RABGAP1L: variants seen among roughly 807,000 people sequenced by gnomAD.
RABGAP1L encodes the protein rab GTPase-activating protein 1-like.
Under a neutral mutation model 137.7 loss-of-function variants are expected in RABGAP1L, and 63 were observed. That is an observed-to-expected ratio of 0.46 (90% CI 0.37 to 0.56). The LOEUF is 0.56. Among genes scored for constraint, RABGAP1L ranks in the 20% least tolerant of loss-of-function variants. RABGAP1L has a pLI of 0.00. For missense variants in RABGAP1L, 1,095 were observed against 1,244.0 expected (o/e 0.88, Z 1.80); for synonymous variants, 431 against 433.7 (o/e 0.99, Z 0.08).
At chr1:174,374,703 G>C (rs1224206048) in intron 12 of RABGAP1L, among the ~76,000 whole-genome samples, 1 of 152,174 alleles carries the variant, frequency 6.6e-6, no homozygotes, top group Admixed American at 6.5e-5. Flanking sequence ...TCCAGTTGTA[G>C]TGCTAACTTG....
At chr1:174,772,134 GT>G (rs1686158642) in intron 18 of RABGAP1L, among the ~76,000 whole-genome samples, 3 of 151,738 alleles carry the variant, frequency 2.0e-5, no homozygotes, top group African/African-American at 4.8e-5. Context: ...GGAGGCAGAG[GT>G]TGCAGTGAGC....
intron 14 of RABGAP1L, among the ~76,000 whole-genome samples, chr1:174,674,071 TTC>T (rs1206603044): frequency 1.3e-5 from 2 of 151,830 alleles, no homozygotes; most frequent in South Asian, 4.2e-4. Flanking sequence ...GTTTTTTTTT[TTC>T]TTTTTTTTTT....
chr1:174,638,975 A>G (rs1246181482), intron 14 of RABGAP1L, among the ~76,000 whole-genome samples: 2 of 148,054 alleles, frequency 1.4e-5, no homozygotes, highest in African/African-American at 2.5e-5. Flanking sequence ...AGCATGGCAC[A>G]TGTATACATA....
Position 174,532,215 on chromosome 1 carries a change from G to GT in RABGAP1L, c.1711-105149dup, listed in dbSNP as rs1028239294. Among the ~76,000 whole-genome samples, 688 of 143,036 alleles carry GT rather than the reference G, an allele frequency of 4.8e-3. 3 individuals are homozygous for GT. The highest frequency in any genetic ancestry group is 0.012 in the African/African-American group (459 of 39,342). The allele number at this position is 143,036 out of a possible 152,430, so 93.8% of individuals were successfully genotyped here. On this transcript the variant is annotated intron_variant, in intron 13 of 25. Transcript: ENST00000681986. The stretch of plus-strand genomic sequence containing the variant: ...GGAGTTTTTTGTTTTTTGTTTTTTT[G>GT]TTTTTTTTTTTGGGACACAGTCTTG...
intron 13 of RABGAP1L, among the ~76,000 whole-genome samples, chr1:174,513,415 T>G (rs1662527404): frequency 6.6e-6 from 1 of 151,832 alleles, no homozygotes; most frequent in South Asian, 2.1e-4. Context: ...TGAGACCAGC[T>G]GGGGCAACAT....
intron 18 of RABGAP1L, among the ~76,000 whole-genome samples, chr1:174,791,018 C>T (rs1687815481): frequency 6.6e-6 from 1 of 151,978 alleles, no homozygotes; most frequent in Non-Finnish European, 1.5e-5. Flanking sequence ...TGGTGAAACC[C>T]CGTCTCTACT....
intron 10 of RABGAP1L, among the ~76,000 whole-genome samples, chr1:174,289,649 A>G (rs1676395558): frequency 6.6e-6 from 1 of 152,188 alleles, no homozygotes; most frequent in Non-Finnish European, 1.5e-5. Flanking sequence ...GATCTTTACT[A>G]GTCTGCCAAG....
chr1:174,617,126 A>C (rs116678206), intron 13 of RABGAP1L, among the ~76,000 whole-genome samples: 1 of 152,194 alleles, frequency 6.6e-6, no homozygotes, highest in Non-Finnish European at 1.5e-5. Flanking sequence ...CAGTTCTTAG[A>C]ATGGTAATCC....
intron 17 of RABGAP1L, among the ~76,000 whole-genome samples, chr1:174,734,898 G>A (rs1010415549): frequency 5.6e-5 from 8 of 143,720 alleles, no homozygotes; most frequent in Non-Finnish European, 1.2e-4. Flanking sequence ...TGCTTATTTA[G>A]TCTTTTTTTT....
intron 17 of RABGAP1L, among the ~76,000 whole-genome samples, chr1:174,710,930 AT>A (rs1187919092): frequency 1.3e-5 from 2 of 152,228 alleles, no homozygotes; most frequent in Non-Finnish European, 2.9e-5. Flanking sequence ...GGCGGTGCTC[AT>A]CGGGGAGGCT....
intron 19 of RABGAP1L, among the ~76,000 whole-genome samples, chr1:174,939,559 A>G (rs918549368): frequency 6.6e-6 from 1 of 152,034 alleles, no homozygotes; most frequent in Non-Finnish European, 1.5e-5. Flanking sequence ...AAAAAAAAAA[A>G]AAAGAAAAAA....
chr1:174,857,890 G>C (rs1426759736), intron 19 of RABGAP1L, among the ~76,000 whole-genome samples: 1 of 152,084 alleles, frequency 6.6e-6, no homozygotes, highest in South Asian at 2.1e-4. Flanking sequence ...TTTCAGTAGG[G>C]TCAGAAACAA....
intron 13 of RABGAP1L, among the ~76,000 whole-genome samples, chr1:174,421,717 G>A (rs1299944396): frequency 6.6e-6 from 1 of 152,110 alleles, no homozygotes; most frequent in Non-Finnish European, 1.5e-5. Context: ...CTGCCCTCTG[G>A]TCTTCATACT....
chr1:174,404,835 T>A (rs530834881), intron 13 of RABGAP1L, among the ~76,000 whole-genome samples: 1 of 152,220 alleles, frequency 6.6e-6, no homozygotes, highest in Non-Finnish European at 1.5e-5. Flanking sequence ...AATATTAATT[T>A]GGTAGTTGCT....
intron 17 of RABGAP1L, among the ~76,000 whole-genome samples, chr1:174,720,521 G>T (rs571741717): frequency 6.6e-6 from 1 of 151,942 alleles, no homozygotes; most frequent in Non-Finnish European, 1.5e-5. Flanking sequence ...TTGCCATGTT[G>T]CCCAGGCTGG....
chr1:174,748,054 A>G (rs1384194923), intron 17 of RABGAP1L, among the ~76,000 whole-genome samples: 5 of 152,210 alleles, frequency 3.3e-5, no homozygotes. Flanking sequence ...TATGTATAGA[A>G]TAAAAAGTTT....
At chr1:174,490,281 C>G (rs1406372205) in intron 13 of RABGAP1L, among the ~76,000 whole-genome samples, 2 of 152,186 alleles carry the variant, frequency 1.3e-5, no homozygotes, top group Non-Finnish European at 2.9e-5. Context: ...CTAAGCACTG[C>G]CTGCATGAAG....
chr1:174,448,902 C>T lies in RABGAP1L; in HGVS notation c.1710+54757C>T. ...GGACACAGCCCTGACCGTCGCTACG[C>T]CATGGTTTTGTTTAGGATAACCAGT... On this transcript the variant is annotated intron_variant, in intron 13 of 25. Coordinates refer to ENST00000681986, the MANE Select transcript of RABGAP1L (RefSeq NM_001366446.1). This position sits in a 1 kb window ranked among gnomAD's most constrained non-coding sequence, Gnocchi z 4.2. The T allele has an allele frequency of 1.9e-6, 3 of 1,613,770 alleles. No individual in the cohort carries two copies. The highest frequency in any genetic ancestry group is 2.5e-6 in the Non-Finnish European group (3 of 1,179,682).
At chr1:174,199,663 A>G (rs1005671552) in intron 1 of RABGAP1L, among the ~76,000 whole-genome samples, 28 of 152,204 alleles carry the variant, frequency 1.8e-4, no homozygotes, top group African/African-American at 6.5e-4. Flanking sequence ...TTTCCTTAAT[A>G]GTGGATTCCT....
Sources: allele counts gnomAD v4.1 joint callset (sites outside exome capture counted in the v4.1 genomes callset), GRCh38; gene constraint gnomAD v4.1.1; non-coding constraint Gnocchi (gnomAD v3.1); transcripts MANE v1.5; gene names NCBI Gene and HGNC (gene_info 2026-07-23, HGNC 2026-07-21).